Variants in SDHC observed in about 807,000 individuals in gnomAD.
SDHC encodes the protein succinate dehydrogenase complex subunit C, also known as succinate dehydrogenase cytochrome b560 subunit, mitochondrial.
In SDHC, 11 loss-of-function variants were observed where a neutral mutation model predicts 22.6. The observed-to-expected ratio is 0.49, with a 90% CI of 0.31 to 0.81. The LOEUF (loss-of-function observed/expected upper bound fraction) is 0.81, where lower values mean the gene tolerates loss of function less well. Ranked by LOEUF, SDHC falls within the 30% of genes least tolerant of loss-of-function variation. SDHC has a pLI of 0.05. For synonymous variants in SDHC, 80 were observed against 77.8 expected, an observed-to-expected ratio of 1.03 and a Z score of -0.15; for missense variants, 160 against 212.0, an observed-to-expected ratio of 0.75 and a Z score of 1.52.
intron 1 of SDHC, among the ~76,000 whole-genome samples, chr1:161,315,749 G>A (rs56718047): frequency 1.3e-5 from 2 of 152,040 alleles, no homozygotes; most frequent in Non-Finnish European, 2.9e-5. Context: ...GGTGTTTCTC[G>A]TTAGGTGGAA....
chr1:161,357,364 C>T (rs1232195686), intron 5 of SDHC, among the ~76,000 whole-genome samples: 1 of 152,092 alleles, frequency 6.6e-6, no homozygotes, highest in African/African-American at 2.4e-5. Flanking sequence ...CAGATACTTG[C>T]AGGGTCTCAT....
chr1:161,328,136 T>A (rs1320765547), intron 2 of SDHC, among the ~76,000 whole-genome samples: 1 of 151,964 alleles, frequency 6.6e-6, no homozygotes, highest in African/African-American at 2.4e-5. Context: ...CCCGAGTAGC[T>A]GGGATTACAG....
At chr1:161,348,028 G>A (rs574926504) in intron 4 of SDHC, among the ~76,000 whole-genome samples, 1 of 152,184 alleles carries the variant, frequency 6.6e-6, no homozygotes, top group Middle Eastern at 3.4e-3. Flanking sequence ...TGGCCTCCTG[G>A]ATAAATACAA....
At chr1:161,327,293 G>C (rs1013506549) in intron 2 of SDHC, among the ~76,000 whole-genome samples, 1 of 152,128 alleles carries the variant, frequency 6.6e-6, no homozygotes, top group Non-Finnish European at 1.5e-5. Flanking sequence ...CTACATGCGG[G>C]GGACCAGACA....
At chr1:161,322,394 T>A (rs1670868950) in intron 1 of SDHC, among the ~76,000 whole-genome samples, 2 of 152,312 alleles carry the variant, frequency 1.3e-5, no homozygotes, top group South Asian at 2.1e-4. Context: ...AAATTTTTTT[T>A]ATTCCCATTT....
chr1:161,345,578 T>TC (rs1272665142), intron 4 of SDHC, among the ~76,000 whole-genome samples: 1 of 151,814 alleles, frequency 6.6e-6, no homozygotes, highest in Non-Finnish European at 1.5e-5. Flanking sequence ...TGCCTCAGCC[T>TC]CCCCAGCAGC....
intron 3 of SDHC, among the ~76,000 whole-genome samples, chr1:161,329,116 C>G (rs1055205985): frequency 2.6e-5 from 4 of 151,980 alleles, no homozygotes; most frequent in Non-Finnish European, 5.9e-5. Context: ...CCAGGTTGGC[C>G]AGGATGGTCT....
rs1247942512 is a variant in SDHC, at chr1:161,355,693, T to TA, written c.242-977dup. Among the ~76,000 whole-genome samples, 5 of 152,092 alleles carry TA rather than the reference T, an allele frequency of 3.3e-5. No individual in the cohort carries two copies. In the East Asian group the frequency reaches 9.7e-4, roughly 29 times the overall value. On this transcript the variant is annotated intron_variant, in intron 4 of 5. Coordinates refer to ENST00000367975, the MANE Select transcript of SDHC (RefSeq NM_003001.5). ...AGGTAGCAACACTAGAAGATAAAGA[T>TA]AAAAAAAGGGCCAGGCGCAGTGGCT...
chr1:161,319,459 T>A (rs4656296), intron 1 of SDHC, among the ~76,000 whole-genome samples: 12,173 of 151,798 alleles, frequency 0.08, 576 homozygotes, highest in Middle Eastern at 0.12. Flanking sequence ...TTTTGGTTTT[T>A]TTTTTGAGAC....
intron 1 of SDHC, among the ~76,000 whole-genome samples, chr1:161,316,082 C>T (rs1303613626): frequency 2.0e-5 from 3 of 152,158 alleles, no homozygotes; most frequent in Non-Finnish European, 4.4e-5. Flanking sequence ...GGCGGTTTTC[C>T]CCTATCTCAG....
At chr1:161,320,383 A>G (rs1220112503) in intron 1 of SDHC, among the ~76,000 whole-genome samples, 1 of 152,202 alleles carries the variant, frequency 6.6e-6, no homozygotes, top group Non-Finnish European at 1.5e-5. Context: ...CTAGACATTT[A>G]TGAAACTTTT....
At chr1:161,343,492 G>T (rs1671790104) in intron 4 of SDHC, among the ~76,000 whole-genome samples, 1 of 152,134 alleles carries the variant, frequency 6.6e-6, no homozygotes, top group African/African-American at 2.4e-5. Flanking sequence ...GGTTGGTAAA[G>T]GGACGATGGA....
chr1:161,359,975 T>A (rs1287161634), intron 5 of SDHC, among the ~76,000 whole-genome samples: 1 of 151,912 alleles, frequency 6.6e-6, no homozygotes, highest in Admixed American at 6.6e-5. Flanking sequence ...TGACTCCTAA[T>A]CTCCTAGTTA....
intron 5 of SDHC, among the ~76,000 whole-genome samples, chr1:161,359,649 G>A: frequency 6.6e-6 from 1 of 152,170 alleles, no homozygotes; most frequent in Non-Finnish European, 1.5e-5. Context: ...TGCCTGTGAT[G>A]GTAATCTTTT....
At chr1:161,334,771 A>G (rs1488778639) in intron 3 of SDHC, among the ~76,000 whole-genome samples, 2 of 152,138 alleles carry the variant, frequency 1.3e-5, no homozygotes, top group Admixed American at 6.6e-5. Context: ...TTTCATCTGC[A>G]ACCTTAATTC....
chr1:161,355,920 G>A (rs1209480345), intron 4 of SDHC, among the ~76,000 whole-genome samples: 3 of 150,542 alleles, frequency 2.0e-5, no homozygotes, highest in Admixed American at 6.7e-5. Flanking sequence ...GGAGGCGGAG[G>A]TTGCAGTGAG....
At chr1:161,342,761 C>T (rs1029434442) in intron 4 of SDHC, among the ~76,000 whole-genome samples, 2 of 152,148 alleles carry the variant, frequency 1.3e-5, no homozygotes, top group Admixed American at 1.3e-4. Flanking sequence ...TCCCAAAGTG[C>T]TGGGGTTACA....
In SDHC at chr1:161,356,805, C is replaced by T. The variant is rs1571890420; in HGVS notation, c.370C>T (p.Leu124Phe). The change falls in exon 5 of 6, where the codon CTC becomes TTC. Residue 124 changes from leucine (L) to phenylalanine (F), a missense_variant. Leu to Phe is a conservative substitution (Grantham distance 22). Transcript: ENST00000367975. ...HTAKFALVFP[L>F]MYHTWNGIRH... is the part of the protein sequence containing the mutation. ...AGCTAAGTTTGCACTTGTCTTCCCT[C>T]TCATGTATCATACCTGGAATGGGAT... 2.5e-6 allele frequency: 4 copies of T among 1,614,034 alleles called. No individual in the cohort carries two copies. Among genetic ancestry groups the T allele is most frequent in the Admixed American group, 1.7e-5 (1 of 59,988 alleles).
chr1:161,324,704 C>G (rs1025373214), intron 2 of SDHC, among the ~76,000 whole-genome samples: 2 of 152,084 alleles, frequency 1.3e-5, no homozygotes, highest in Non-Finnish European at 2.9e-5. Flanking sequence ...AGTATTTTCA[C>G]TGAATGCTTT....
Sources: allele counts gnomAD v4.1 joint callset (sites outside exome capture counted in the v4.1 genomes callset), GRCh38; gene constraint gnomAD v4.1.1; transcripts MANE v1.5; gene names NCBI Gene and HGNC (gene_info 2026-07-23, HGNC 2026-07-21).